The following QTMAN variants were observed in gnomAD, a reference collection of about 807,000 sequenced individuals.
QTMAN encodes the protein tRNA-queuosine alpha-mannosyltransferase.
At chr2:144,196,996 C>G in the QTMAN span, among the ~76,000 whole-genome samples, 5 of 152,224 alleles carry the variant, frequency 3.3e-5, no homozygotes, top group East Asian at 5.8e-4. Flanking sequence ...GAGAAAGGTG[C>G]CATTAGGCAA....
the QTMAN span, among the ~76,000 whole-genome samples, chr2:144,247,790 C>G: frequency 6.6e-6 from 1 of 152,164 alleles, no homozygotes; most frequent in African/African-American, 2.4e-5. Context: ...TCTCCCACCT[C>G]AGCCCCCACC....
the QTMAN span, among the ~76,000 whole-genome samples, chr2:144,114,039 C>T: frequency 6.6e-6 from 1 of 152,172 alleles, no homozygotes; most frequent in African/African-American, 2.4e-5. Flanking sequence ...TGGCTTCTCA[C>T]ATCCCAGACT....
At chr2:144,182,798 T>TATATTATATGTATAA in the QTMAN span, among the ~76,000 whole-genome samples, 1 of 26,126 alleles carries the variant, frequency 3.8e-5, no homozygotes, top group African/African-American at 9.1e-5. Flanking sequence ...TATATATATA[T>TATATTATATGTATAA]TATATATATA....
At chr2:144,153,672 CAGAG>C in the QTMAN span, among the ~76,000 whole-genome samples, 2 of 152,270 alleles carry the variant, frequency 1.3e-5, no homozygotes, top group Admixed American at 6.5e-5. Flanking sequence ...GCCTGGGCGA[CAGAG>C]AGAGACTCCG....
the QTMAN span, among the ~76,000 whole-genome samples, chr2:144,024,368 G>C: frequency 2.0e-5 from 3 of 152,166 alleles, no homozygotes; most frequent in Non-Finnish European, 4.4e-5. Flanking sequence ...TGAATGCCTT[G>C]GTATGATGAA....
At chr2:144,124,697 A>G in the QTMAN span, among the ~76,000 whole-genome samples, 1 of 152,034 alleles carries the variant, frequency 6.6e-6, no homozygotes, top group African/African-American at 2.4e-5. Flanking sequence ...TCTCACCTTG[A>G]TTTAGTAACA....
the QTMAN span, among the ~76,000 whole-genome samples, chr2:143,972,675 AAT>A: frequency 2.0e-5 from 3 of 152,134 alleles, no homozygotes; most frequent in Admixed American, 2.0e-4. Flanking sequence ...TTTCATATTC[AAT>A]AGTTACTTTG....
At chr2:144,007,404 A>C in the QTMAN span, 1 of 1,613,350 alleles carries the variant, frequency 6.2e-7, no homozygotes, top group Non-Finnish European at 8.5e-7. Context: ...CTCTGAATTA[A>C]AATTCTTCAA....
At chr2:144,013,037 T>C in the QTMAN span, among the ~76,000 whole-genome samples, 1 of 152,130 alleles carries the variant, frequency 6.6e-6, no homozygotes, top group East Asian at 1.9e-4. Context: ...CAGGTGTGTT[T>C]TGTGCAACAC....
At chr2:144,004,746 T>C in the QTMAN span, among the ~76,000 whole-genome samples, 2 of 151,980 alleles carry the variant, frequency 1.3e-5, no homozygotes, top group Non-Finnish European at 2.9e-5. Context: ...TTCTGCAAGA[T>C]AACATCATCA....
At chr2:144,106,800 T>A in the QTMAN span, among the ~76,000 whole-genome samples, 1 of 152,194 alleles carries the variant, frequency 6.6e-6, no homozygotes, top group East Asian at 1.9e-4. Context: ...CAACAGAATA[T>A]ACATTCTTCT....
At chr2:144,262,925 G>A in the QTMAN span, among the ~76,000 whole-genome samples, 370 of 93,588 alleles carry the variant, frequency 4.0e-3, 5 homozygotes, top group Middle Eastern at 6.6e-3. Flanking sequence ...AGAGGGGAGA[G>A]GGGAGAGGGA....
chr2:144,095,034 A>G, the QTMAN span, among the ~76,000 whole-genome samples: 3 of 152,230 alleles, frequency 2.0e-5, no homozygotes, highest in Admixed American at 2.0e-4. Flanking sequence ...CCACTCTCCC[A>G]CAACACTACC....
chr2:144,031,213 T>C, the QTMAN span, among the ~76,000 whole-genome samples: 1 of 151,528 alleles, frequency 6.6e-6, no homozygotes, highest in Non-Finnish European at 1.5e-5. Flanking sequence ...TAATACCAGG[T>C]GGTTCTAAGT....
the QTMAN span, among the ~76,000 whole-genome samples, chr2:143,948,776 G>A: frequency 6.6e-6 from 1 of 152,052 alleles, no homozygotes; most frequent in African/African-American, 2.4e-5. Context: ...GGTTAGAAAG[G>A]AAGAACTATT....
chr2:143,993,404 C>CA, the QTMAN span, among the ~76,000 whole-genome samples: 724 of 122,826 alleles, frequency 5.9e-3, 9 homozygotes, highest in African/African-American at 0.016. Context: ...ACATGGCAAG[C>CA]AAAAAAAAAA....
chr2:144,224,899 C>T, the QTMAN span, among the ~76,000 whole-genome samples: 1 of 152,046 alleles, frequency 6.6e-6, no homozygotes, highest in Non-Finnish European at 1.5e-5. Context: ...AACTTTAATA[C>T]AGAATGATAA....
the QTMAN span, among the ~76,000 whole-genome samples, chr2:143,993,165 T>A: frequency 6.6e-6 from 1 of 152,246 alleles, no homozygotes; most frequent in Non-Finnish European, 1.5e-5. Flanking sequence ...TAATAGGTAC[T>A]GTAAGCTCCA....
the QTMAN span, among the ~76,000 whole-genome samples, chr2:144,265,330 T>A: frequency 1.3e-5 from 2 of 152,202 alleles, no homozygotes; most frequent in Admixed American, 6.5e-5. Context: ...CAAATGCCTT[T>A]AACATTCACA....
Sources: allele counts gnomAD v4.1 joint callset (sites outside exome capture counted in the v4.1 genomes callset), GRCh38; gene constraint gnomAD v4.1.1; transcripts MANE v1.5; gene names NCBI Gene and HGNC (gene_info 2026-07-23, HGNC 2026-07-21).